Variants in NR4A3 observed in about 807,000 individuals in gnomAD.
NR4A3 encodes chondrosarcoma, extraskeletal myxoid, fused to EWS.
In NR4A3, 13 loss-of-function variants were observed where a neutral mutation model predicts 55.6. The ratio of observed to expected loss-of-function variants is 0.23; its 90% CI spans 0.15 to 0.37. NR4A3 has a LOEUF of 0.37. NR4A3 is among the 10% of genes least tolerant of loss of function. NR4A3 has a pLI of 1.00. For synonymous variants in NR4A3, 342 were observed against 357.9 expected (o/e 0.96, Z 0.50); for missense variants, 646 against 822.8 (o/e 0.79, Z 2.63).
chr9:99,851,436 G>T (rs1422719837), intron 7 of NR4A3, among the ~76,000 whole-genome samples: 1 of 152,104 alleles, frequency 6.6e-6, no homozygotes, highest in African/African-American at 2.4e-5. Flanking sequence ...AAACCACAGA[G>T]AGCTCATGAA....
chr9:99,847,467 C>T lies in NR4A3; in HGVS notation c.1485C>T (p.Phe495=). 1.2e-6 allele frequency: 2 copies of T among 1,614,200 alleles called. No homozygotes were observed. Among genetic ancestry groups the T allele is most frequent in the Non-Finnish European group, 1.7e-6 (2 of 1,180,024 alleles). The change falls in exon 7 of 8, where the codon TTC becomes TTT. Residue 495 remains phenylalanine, a synonymous_variant. Transcript: ENST00000395097. The part of the protein sequence containing the change: ...RSNTAEDKFV[F]CNGLVLHRLQ... ...ACACTGCTGAAGATAAGTTTGTGTTCTGCAATGGACTTGTCCTGCATCGAC... is the reference window on the plus strand; with the variant it reads ...ACACTGCTGAAGATAAGTTTGTGTTTTGCAATGGACTTGTCCTGCATCGAC...
intron 5 of NR4A3, among the ~76,000 whole-genome samples, chr9:99,840,938 G>C (rs1827639318): frequency 6.6e-6 from 1 of 152,188 alleles, no homozygotes; most frequent in African/African-American, 2.4e-5. Flanking sequence ...TTCCAGTTAA[G>C]AGTCTGTGTG....
Position 99,865,553 on chromosome 9 carries a change from T to G in NR4A3, c.*1686T>G. 5.4e-6 allele frequency: 1 copy of G among 185,726 alleles called. No individual in the cohort carries two copies. The highest frequency in any genetic ancestry group is 1.1e-5 in the Non-Finnish European group (1 of 87,430). 11.5% of individuals were successfully genotyped at this position (185,726 alleles called of 1,614,324 possible). ...ATATACTCTGTATCAAGTCAAAATATCTTTGGCCATTTTGCTAAGAAACAA... is the reference window on the plus strand; with the variant it reads ...ATATACTCTGTATCAAGTCAAAATAGCTTTGGCCATTTTGCTAAGAAACAA... On this transcript the variant is annotated 3_prime_UTR_variant, in exon 8 of 8. Coordinates refer to ENST00000395097, the MANE Select transcript of NR4A3 (RefSeq NM_006981.4). The surrounding 1 kb of genome is among the most constrained non-coding windows in gnomAD (Gnocchi z 4.3).
intron 7 of NR4A3, among the ~76,000 whole-genome samples, chr9:99,849,157 T>C (rs1433441373): frequency 6.6e-6 from 1 of 152,234 alleles, no homozygotes; most frequent in East Asian, 1.9e-4. Flanking sequence ...TACTTGCATT[T>C]CTTGGGATAT....
intron 1 of NR4A3, among the ~76,000 whole-genome samples, chr9:99,823,517 G>C (rs754538539): frequency 7.2e-5 from 11 of 152,066 alleles, no homozygotes; most frequent in Non-Finnish European, 1.3e-4. Context: ...GAAGAACAGG[G>C]AGCCGTCATT....
chr9:99,823,816 C>G (rs931559130), intron 1 of NR4A3, among the ~76,000 whole-genome samples: 47 of 151,136 alleles, frequency 3.1e-4, no homozygotes, highest in East Asian at 2.0e-3. Flanking sequence ...TGTCTAGTCT[C>G]CCTCGGTCTT....
At chr9:99,838,495 C>A (rs529028479) in intron 5 of NR4A3, among the ~76,000 whole-genome samples, 1 of 152,328 alleles carries the variant, frequency 6.6e-6, no homozygotes, top group South Asian at 2.1e-4. Context: ...GTTACCAATT[C>A]ACCAGATGAT....
At chr9:99,844,994 A>G in intron 6 of NR4A3, 146 bp downstream of exon 6, 1 of 705,970 alleles carries the variant, frequency 1.4e-6, no homozygotes, top group Non-Finnish European at 2.4e-6. Context: ...GCAGCGAGTC[A>G]CGGAGGGAGC....
chr9:99,845,957 C>T (rs1274563190), intron 6 of NR4A3, among the ~76,000 whole-genome samples: 3 of 152,184 alleles, frequency 2.0e-5, no homozygotes, highest in Non-Finnish European at 4.4e-5. Flanking sequence ...TGACTGTCAT[C>T]TATTAGGCAT....
rs1351197062 is a variant in NR4A3 at position 99,864,570 on chromosome 9, A to C, written c.*703A>C. On this transcript the variant is annotated 3_prime_UTR_variant, in exon 8 of 8. Coordinates refer to ENST00000395097, the MANE Select transcript of NR4A3 (RefSeq NM_006981.4). ...GGAGGCAGTCATGTTAGCAAATGAC[A>C]CGTTAATATCCCTAGCAGAGGCTGT... 4.4e-6 allele frequency: 1 copy of C among 227,860 alleles called. No homozygotes were observed. The highest frequency in any genetic ancestry group is 8.7e-6 in the Non-Finnish European group (1 of 114,504). 14.1% of individuals were successfully genotyped at this position (227,860 alleles called of 1,614,324 possible).
chr9:99,833,521 A>T (rs2118539886), intron 5 of NR4A3, 67 bp downstream of exon 5: 9 of 1,613,778 alleles, frequency 5.6e-6, no homozygotes, highest in Non-Finnish European at 7.6e-6. Flanking sequence ...ACTAGTAATA[A>T]GAGTTGATTG....
rs1827288734 is a variant in NR4A3, at chr9:99,825,963, ACACAGGTGGCTTCCT to A, written c.-3+138_-3+152del. ...GTGACTGCTGGCCGCGAATTTCACA[ACACAGGTGGCTTCCT>A]CACAGGAAGCTCCTCTGTATACCAC... On this transcript the variant is annotated intron_variant, in intron 2 of 7. Transcript: ENST00000395097. The surrounding 1 kb of genome is among the most constrained non-coding windows in gnomAD (Gnocchi z 5.0). 1 of 188,470 alleles carries A rather than the reference ACACAGGTGGCTTCCT, an allele frequency of 5.3e-6. No homozygotes were observed. The highest frequency in any genetic ancestry group is 1.9e-4 in the South Asian group (1 of 5,152). 11.7% of individuals were successfully genotyped at this position (188,470 alleles called of 1,614,324 possible).
chr9:99,857,130 G>A (rs1293233706), intron 7 of NR4A3, among the ~76,000 whole-genome samples: 2 of 152,212 alleles, frequency 1.3e-5, no homozygotes, highest in African/African-American at 4.8e-5. Flanking sequence ...CATGGGTATT[G>A]AGAGGGAGAT....
chr9:99,847,046 G>C (rs539371102), intron 6 of NR4A3, among the ~76,000 whole-genome samples: 196 of 152,304 alleles, frequency 1.3e-3, no homozygotes, highest in Non-Finnish European at 2.1e-3. Context: ...GACAAGCCCT[G>C]TCTCAGGATC....
intron 7 of NR4A3, among the ~76,000 whole-genome samples, chr9:99,849,358 CT>C (rs368682147): frequency 1.7e-3 from 253 of 145,474 alleles, no homozygotes; most frequent in African/African-American, 4.8e-3. Context: ...GAGAAACTCA[CT>C]TTTTTTTTTT....
At chr9:99,836,890 A>C (rs75225076) in intron 5 of NR4A3, among the ~76,000 whole-genome samples, 2 of 152,332 alleles carry the variant, frequency 1.3e-5, no homozygotes, top group East Asian at 3.9e-4. Flanking sequence ...TCTTTTTAAT[A>C]ATAATCATTC....
At chr9:99,839,031 G>T (rs576588401) in intron 5 of NR4A3, among the ~76,000 whole-genome samples, 8 of 152,230 alleles carry the variant, frequency 5.3e-5, no homozygotes, top group Non-Finnish European at 1.2e-4. Context: ...CAATGGACAC[G>T]TTGCTGAACA....
At chr9:99,842,568 T>G (rs1827671764) in intron 5 of NR4A3, among the ~76,000 whole-genome samples, 1 of 152,086 alleles carries the variant, frequency 6.6e-6, no homozygotes, top group Admixed American at 6.5e-5. Flanking sequence ...CTGTCTCTAC[T>G]AAAAATACAA....
At chr9:99,860,260 T>C (rs1462551425) in intron 7 of NR4A3, among the ~76,000 whole-genome samples, 2 of 152,170 alleles carry the variant, frequency 1.3e-5, no homozygotes, top group African/African-American at 4.8e-5. Context: ...TTGTTCTGTT[T>C]GATGTCTTCA....
Sources: gnomAD v4.1 joint callset for allele counts (sites outside exome capture counted in the v4.1 genomes callset) on GRCh38, gnomAD v4.1.1 for gene constraint, Gnocchi (gnomAD v3.1) non-coding constraint, MANE v1.5 for transcripts, NCBI Gene and HGNC (gene_info 2026-07-23, HGNC 2026-07-21) for gene names.